Variants in VAT1L observed in about 807,000 individuals in gnomAD.
The protein encoded by VAT1L is vesicle amine transport 1 like, also known as putative NADPH-dependent quinone oxidoreductase VAT1L.
In VAT1L, 34 loss-of-function variants were observed where a neutral mutation model predicts 44.1. That is an observed-to-expected ratio of 0.77 (90% CI 0.59 to 1.03). The LOEUF (loss-of-function observed/expected upper bound fraction) is 1.03. VAT1L is among the 50% of genes least tolerant of loss of function. VAT1L has a pLI of 0.00. For synonymous variants in VAT1L, 253 were observed against 202.2 expected, an observed-to-expected ratio of 1.25 and a Z score of -2.13; for missense variants, 615 against 538.8, an observed-to-expected ratio of 1.14 and a Z score of -1.40.
intron 5 of VAT1L, among the ~76,000 whole-genome samples, chr16:77,877,281 C>T (rs972942134): frequency 3.3e-5 from 5 of 151,994 alleles, no homozygotes; most frequent in African/African-American, 7.2e-5. Flanking sequence ...GAGGCCGAGG[C>T]GGGCGGATCA....
At chr16:77,970,463 T>C (rs12325356) in intron 7 of VAT1L, among the ~76,000 whole-genome samples, 1 of 152,104 alleles carries the variant, frequency 6.6e-6, no homozygotes, top group Non-Finnish European at 1.5e-5. Context: ...TAAATATGCA[T>C]GTCAGTTCTC....
intron 4 of VAT1L, among the ~76,000 whole-genome samples, chr16:77,867,502 C>T (rs957081069): frequency 1.3e-5 from 2 of 151,896 alleles, no homozygotes; most frequent in African/African-American, 2.4e-5. Context: ...AGATGCTTCT[C>T]GACTTACAAT....
At chr16:77,955,545 T>G (rs1319450123) in intron 7 of VAT1L, among the ~76,000 whole-genome samples, 1 of 152,154 alleles carries the variant, frequency 6.6e-6, no homozygotes, top group African/African-American at 2.4e-5. Context: ...GCCAATGTGA[T>G]GAAGCCCTGT....
chr16:77,902,411 T>C (rs920913308), intron 7 of VAT1L, among the ~76,000 whole-genome samples: 1 of 152,206 alleles, frequency 6.6e-6, no homozygotes, highest in East Asian at 1.9e-4. Flanking sequence ...TCAGCAGCTA[T>C]TTTTTATTCA....
chr16:77,896,389 A>G (rs935706333), intron 7 of VAT1L, among the ~76,000 whole-genome samples: 2 of 150,596 alleles, frequency 1.3e-5, no homozygotes, highest in African/African-American at 4.8e-5. Context: ...TGACATGTGC[A>G]TGGGCAATTT....
intron 7 of VAT1L, among the ~76,000 whole-genome samples, chr16:77,940,466 C>T (rs367909134): frequency 6.6e-6 from 1 of 151,422 alleles, no homozygotes; most frequent in Non-Finnish European, 1.5e-5. Flanking sequence ...GCCTCAGCCT[C>T]CTGAGTAGCT....
chr16:77,804,533 G>A (rs1002515850), intron 1 of VAT1L, among the ~76,000 whole-genome samples: 3 of 152,128 alleles, frequency 2.0e-5, no homozygotes, highest in Admixed American at 6.5e-5. Context: ...TCCCAGACAC[G>A]GTAGAAACAA....
chr16:77,903,085 T>G (rs966701191), intron 7 of VAT1L, among the ~76,000 whole-genome samples: 1 of 152,168 alleles, frequency 6.6e-6, no homozygotes, highest in African/African-American at 2.4e-5. Context: ...TTCTTAAAAA[T>G]TTCCTTGAGA....
intron 1 of VAT1L, among the ~76,000 whole-genome samples, chr16:77,791,576 TA>T (rs2015836397): frequency 6.6e-6 from 1 of 152,228 alleles, no homozygotes; most frequent in Admixed American, 6.5e-5. Flanking sequence ...GATTTGAATC[TA>T]ATTCTCCTTA....
chr16:77,861,246 C>T (rs2016911605), intron 3 of VAT1L, among the ~76,000 whole-genome samples: 1 of 152,192 alleles, frequency 6.6e-6, no homozygotes, highest in South Asian at 2.1e-4. Context: ...AATATTTTCC[C>T]TCCTTAAAAT....
intron 3 of VAT1L, among the ~76,000 whole-genome samples, chr16:77,831,617 G>A (rs2016579386): frequency 6.6e-6 from 1 of 152,110 alleles, no homozygotes; most frequent in Admixed American, 6.5e-5. Flanking sequence ...ACCTGTTACG[G>A]TAATGAAAAC....
intron 1 of VAT1L, among the ~76,000 whole-genome samples, chr16:77,811,986 A>G (rs2016272941): frequency 6.6e-6 from 1 of 152,134 alleles, no homozygotes; most frequent in Admixed American, 6.6e-5. Flanking sequence ...AGACTCAGCC[A>G]AACTCCACCG....
At chr16:77,844,082 C>G (rs1351941800) in intron 3 of VAT1L, among the ~76,000 whole-genome samples, 1 of 152,156 alleles carries the variant, frequency 6.6e-6, no homozygotes, top group African/African-American at 2.4e-5. Flanking sequence ...AGCTATACAG[C>G]AAATATATAC....
intron 7 of VAT1L, among the ~76,000 whole-genome samples, chr16:77,943,893 G>A (rs969271078): frequency 6.6e-6 from 1 of 152,040 alleles, no homozygotes; most frequent in East Asian, 1.9e-4. Context: ...ACCAGGGCAC[G>A]TGAGCATTGT....
intron 1 of VAT1L, among the ~76,000 whole-genome samples, chr16:77,799,032 G>A (rs1395401320): frequency 1.3e-5 from 2 of 151,896 alleles, no homozygotes; most frequent in African/African-American, 2.4e-5. Flanking sequence ...CTTCCTTCCC[G>A]AGGCTGGAAA....
chr16:77,888,860 A>G (rs138829176), intron 7 of VAT1L, among the ~76,000 whole-genome samples: 2,041 of 152,334 alleles, frequency 0.013, 55 homozygotes, highest in African/African-American at 0.047. Context: ...ACGTTCCTGT[A>G]GCAAGATAGT....
chr16:77,821,958 G>C (rs771587819), intron 2 of VAT1L, among the ~76,000 whole-genome samples: 4 of 152,162 alleles, frequency 2.6e-5, no homozygotes, highest in Non-Finnish European at 4.4e-5. Context: ...AAAAGCATAA[G>C]GGTGTGAGCA....
chr16:77,876,154 C>A (rs572862744), intron 4 of VAT1L, among the ~76,000 whole-genome samples: 108 of 152,334 alleles, frequency 7.1e-4, no homozygotes, highest in African/African-American at 2.5e-3. Context: ...CAGCTACCAC[C>A]CAGACTCTTA....
intron 1 of VAT1L, among the ~76,000 whole-genome samples, chr16:77,793,044 T>C (rs1473940004): frequency 6.6e-6 from 1 of 152,218 alleles, no homozygotes; most frequent in African/African-American, 2.4e-5. Context: ...AGTCAAAAAA[T>C]GGTAACCATT....
Sources: allele counts gnomAD v4.1 joint callset (sites outside exome capture counted in the v4.1 genomes callset), GRCh38; gene constraint gnomAD v4.1.1; transcripts MANE v1.5; gene names NCBI Gene and HGNC (gene_info 2026-07-23, HGNC 2026-07-21).